The following FAM168A variants were observed in gnomAD, a reference collection of about 807,000 sequenced individuals.
The protein encoded by FAM168A is family with sequence similarity 168 member A, also known as protein FAM168A.
Under a neutral mutation model 28.5 loss-of-function variants are expected in FAM168A, and 3 were observed. The ratio of observed to expected loss-of-function variants is 0.11; its 90% CI spans 0.05 to 0.27. The LOEUF is 0.27. Among genes scored for constraint, FAM168A ranks in the 10% least tolerant of loss-of-function variants. The pLI is 1.00. For synonymous variants in FAM168A, 122 were observed against 124.2 expected (o/e 0.98, Z 0.12); for missense variants, 222 against 311.5 (o/e 0.71, Z 2.16).
chr11:73,496,873 T>TCACA (rs71065011), intron 1 of FAM168A, among the ~76,000 whole-genome samples: 2,886 of 140,188 alleles, frequency 0.021, 64 homozygotes, highest in African/African-American at 0.046. Context: ...TATGTTCTTA[T>TCACA]CACACACACA....
intron 1 of FAM168A, among the ~76,000 whole-genome samples, chr11:73,468,948 T>C (rs1258392334): frequency 2.6e-5 from 4 of 152,218 alleles, no homozygotes; most frequent in African/African-American, 4.8e-5. Context: ...CTAGAGGAGC[T>C]TGGTGTCTGG....
At chr11:73,429,489 T>C (rs1408266494) in intron 3 of FAM168A, among the ~76,000 whole-genome samples, 1 of 152,232 alleles carries the variant, frequency 6.6e-6, no homozygotes, top group Non-Finnish European at 1.5e-5. Flanking sequence ...TGTATATCTA[T>C]AGTTCAGATT....
chr11:73,492,339 A>C (rs1199198156), intron 1 of FAM168A, among the ~76,000 whole-genome samples: 1 of 152,192 alleles, frequency 6.6e-6, no homozygotes, highest in Non-Finnish European at 1.5e-5. Flanking sequence ...TCAGAGCAAA[A>C]GACTTGGTTT....
At chr11:73,574,969 A>ATTACTGAGCCCCTATCACG (rs11275128) in intron 1 of FAM168A, among the ~76,000 whole-genome samples, 4 of 151,784 alleles carry the variant, frequency 2.6e-5, no homozygotes, top group African/African-American at 7.3e-5. Flanking sequence ...AAACCAACAT[A>ATTACTGAGCCCCTATCACG]TTACAGTCAT....
intron 1 of FAM168A, among the ~76,000 whole-genome samples, chr11:73,535,119 GAAGTCCACACTCAGT>G (rs1402777041): frequency 6.6e-6 from 1 of 152,052 alleles, no homozygotes; most frequent in Non-Finnish European, 1.5e-5. Flanking sequence ...ATCACACAGA[GAAGTCCACACTCAGT>G]AAGCCCAACT....
chr11:73,473,648 T>C (rs1381086584), intron 1 of FAM168A, among the ~76,000 whole-genome samples: 1 of 152,136 alleles, frequency 6.6e-6, no homozygotes, highest in Non-Finnish European at 1.5e-5. Flanking sequence ...TGCACTTGCT[T>C]TTTCCCCACA....
At chr11:73,472,245 T>C (rs947589539) in intron 1 of FAM168A, among the ~76,000 whole-genome samples, 1 of 152,142 alleles carries the variant, frequency 6.6e-6, no homozygotes, top group African/African-American at 2.4e-5. Context: ...CGAAAAAGTG[T>C]CATTGAGTGA....
chr11:73,586,570 A>C (rs1944316125), intron 1 of FAM168A, among the ~76,000 whole-genome samples: 1 of 152,194 alleles, frequency 6.6e-6, no homozygotes. Flanking sequence ...CCCCCAGAAC[A>C]AAGGTTCCAG....
At chr11:73,557,479 C>T (rs1238943741) in intron 1 of FAM168A, among the ~76,000 whole-genome samples, 3 of 152,106 alleles carry the variant, frequency 2.0e-5, no homozygotes, top group Non-Finnish European at 1.5e-5. Flanking sequence ...ATCCTCCTGC[C>T]TTGGCCTCCC....
At chr11:73,425,342 A>G (rs1351173871) in intron 3 of FAM168A, among the ~76,000 whole-genome samples, 1 of 152,210 alleles carries the variant, frequency 6.6e-6, no homozygotes, top group Non-Finnish European at 1.5e-5. Flanking sequence ...CTTGTCTGTT[A>G]TAAGAATACA....
chr11:73,431,072 G>A (rs189745522), intron 2 of FAM168A, among the ~76,000 whole-genome samples: 5 of 152,206 alleles, frequency 3.3e-5, no homozygotes, highest in Admixed American at 6.5e-5. Context: ...GGCCAGGCAC[G>A]GTGGCTCATG....
At chr11:73,571,881 C>A (rs372614251) in intron 1 of FAM168A, among the ~76,000 whole-genome samples, 3 of 151,208 alleles carry the variant, frequency 2.0e-5, no homozygotes, top group African/African-American at 7.3e-5. Flanking sequence ...ATGTGGGGAG[C>A]GCCCCTGCCC....
chr11:73,488,793 A>G (rs1868089308), intron 1 of FAM168A, among the ~76,000 whole-genome samples: 2 of 152,326 alleles, frequency 1.3e-5, no homozygotes, highest in Admixed American at 6.5e-5. Flanking sequence ...AGGATTATTC[A>G]TATTAACATA....
At chr11:73,426,069 C>T (rs1346488577) in intron 3 of FAM168A, among the ~76,000 whole-genome samples, 1 of 152,152 alleles carries the variant, frequency 6.6e-6, no homozygotes, top group African/African-American at 2.4e-5. Flanking sequence ...TGTATTTGTA[C>T]TTTATAGGGA....
At chr11:73,565,425 G>A (rs949606420) in intron 1 of FAM168A, among the ~76,000 whole-genome samples, 5 of 152,124 alleles carry the variant, frequency 3.3e-5, no homozygotes, top group African/African-American at 1.2e-4. Flanking sequence ...ATTGAGACAG[G>A]AGGTAAATAA....
chr11:73,504,525 AGAAATAAGAAC>A (rs1258949463), intron 1 of FAM168A, among the ~76,000 whole-genome samples: 1 of 152,208 alleles, frequency 6.6e-6, no homozygotes, highest in Non-Finnish European at 1.5e-5. Context: ...GAGGCTGTGG[AGAAATAAGAAC>A]GCTTTTACAC....
intron 4 of FAM168A, among the ~76,000 whole-genome samples, chr11:73,411,815 T>C (rs1866616873): frequency 6.6e-6 from 1 of 152,154 alleles, no homozygotes; most frequent in Non-Finnish European, 1.5e-5. Context: ...TAGAACCACA[T>C]GGTCCCTTTT....
chr11:73,520,381 T>G (rs900944916), intron 1 of FAM168A, among the ~76,000 whole-genome samples: 1 of 152,110 alleles, frequency 6.6e-6, no homozygotes, highest in African/African-American at 2.4e-5. Context: ...TAGCTTTATA[T>G]AATTTCAGAT....
intron 1 of FAM168A, among the ~76,000 whole-genome samples, chr11:73,569,248 T>C (rs534839361): frequency 8.5e-5 from 13 of 152,324 alleles, no homozygotes; most frequent in Admixed American, 4.6e-4. Flanking sequence ...TCTTTAATAC[T>C]AGACACAGCA....
Sources: gnomAD v4.1 joint callset for allele counts (sites outside exome capture counted in the v4.1 genomes callset) on GRCh38, gnomAD v4.1.1 for gene constraint, MANE v1.5 for transcripts, NCBI Gene and HGNC (gene_info 2026-07-23, HGNC 2026-07-21) for gene names.